Variants in BCLAF1 observed in about 807,000 individuals in gnomAD.
BCLAF1 encodes the protein bcl-2-associated transcription factor 1.
Under a neutral mutation model 99.5 loss-of-function variants are expected in BCLAF1, and 10 were observed. That is an observed-to-expected ratio of 0.10 (90% CI 0.06 to 0.17). The LOEUF (loss-of-function observed/expected upper bound fraction) is 0.17. BCLAF1 is among the 10% of genes least tolerant of loss of function. BCLAF1 has a pLI of 1.00. For synonymous variants in BCLAF1, 255 were observed against 370.9 expected (o/e 0.69, Z 3.59); for missense variants, 636 against 1,105.8 (o/e 0.58, Z 6.02).
intron 6 of BCLAF1, chr6:136,274,240 A>G: frequency 9.8e-7 from 1 of 1,018,440 alleles, no homozygotes. Context: ...GCTCTATATA[A>G]AGTAAGAGCT....
chr6:136,279,201 C>T (rs1471202453), intron 3 of BCLAF1, among the ~76,000 whole-genome samples: 3 of 151,986 alleles, frequency 2.0e-5, no homozygotes, highest in Non-Finnish European at 4.4e-5. Context: ...TAAATACATA[C>T]ATAATATAAA....
intron 11 of BCLAF1, among the ~76,000 whole-genome samples, chr6:136,265,516 T>C (rs1204274625): frequency 6.6e-6 from 1 of 152,180 alleles, no homozygotes; most frequent in East Asian, 1.9e-4. Flanking sequence ...CCATGATTTT[T>C]GTAAACTCTG....
intron 1 of BCLAF1, among the ~76,000 whole-genome samples, chr6:136,285,458 T>C (rs1366338306): frequency 6.6e-6 from 1 of 152,174 alleles, no homozygotes; most frequent in Non-Finnish European, 1.5e-5. Flanking sequence ...TAATCCAAAA[T>C]TTGACTGAAA....
At chr6:136,288,924 T>C (rs1256689276) in intron 1 of BCLAF1, among the ~76,000 whole-genome samples, 1 of 152,150 alleles carries the variant, frequency 6.6e-6, no homozygotes, top group Admixed American at 6.5e-5. Context: ...TTCAGCCGGA[T>C]GGGGCAGGGC....
chr6:136,285,000 G>C (rs1295284674), intron 1 of BCLAF1, among the ~76,000 whole-genome samples: 2 of 152,134 alleles, frequency 1.3e-5, no homozygotes, highest in African/African-American at 2.4e-5. Context: ...CACAAACTTA[G>C]CAAATTCAGG....
At chr6:136,266,955 G>A in intron 11 of BCLAF1, 74 bp downstream of exon 11, 1 of 1,513,186 alleles carries the variant, frequency 6.6e-7, no homozygotes, top group African/African-American at 1.4e-5. Context: ...GTGGTTATCT[G>A]TACTCAAATT....
intron 2 of BCLAF1, among the ~76,000 whole-genome samples, chr6:136,280,385 G>C (rs976314615): frequency 1.3e-5 from 2 of 152,038 alleles, no homozygotes; most frequent in African/African-American, 4.8e-5. Flanking sequence ...ACACAATCCT[G>C]TCTGGAGTGG....
At chr6:136,262,934 A>C (rs925205870) in intron 11 of BCLAF1, among the ~76,000 whole-genome samples, 4 of 152,088 alleles carry the variant, frequency 2.6e-5, no homozygotes, top group African/African-American at 9.7e-5. Context: ...TCTAGAATTC[A>C]CTTCATTTTA....
intron 3 of BCLAF1, 177 bp downstream of exon 3, chr6:136,279,586 A>C (rs944556855): frequency 1.7e-6 from 1 of 595,398 alleles, no homozygotes; most frequent in African/African-American, 1.9e-5. Flanking sequence ...CATTTACTAG[A>C]GCTTGTTACC....
rs1458104965 is a variant in BCLAF1 at position 136,288,180 on chromosome 6, T to C, written c.-115+1533A>G. Among the ~76,000 whole-genome samples the C allele has an allele frequency of 3.3e-5, 5 of 152,336 alleles. No homozygotes were observed. The East Asian group carries it at 7.7e-4, about 24-fold the overall frequency. On this transcript the variant is annotated intron_variant, in intron 1 of 12. Coordinates refer to ENST00000531224, the MANE Select transcript of BCLAF1 (RefSeq NM_014739.3). ...TTAATTATCTGAATTAAACAAGATATTTCAGTATTCACCACAATGTACTGG... is the reference window on the plus strand; with the variant it reads ...TTAATTATCTGAATTAAACAAGATACTTCAGTATTCACCACAATGTACTGG...
intron 1 of BCLAF1, among the ~76,000 whole-genome samples, 170 bp downstream of exon 1, chr6:136,289,543 G>A (rs1329106165): frequency 6.6e-6 from 1 of 152,226 alleles, no homozygotes; most frequent in Non-Finnish European, 1.5e-5. Flanking sequence ...GGCCCGTAGT[G>A]CCTCGAAAAC....
rs796701760 is a variant in BCLAF1, at chr6:136,280,673, T to C, written c.-10-797A>G. The stretch of plus-strand genomic sequence containing the variant: ...ACTACATGGTATCCAATGCTATAAT[T>C]AGACCTCATTGGGTACAGAAATCAG... On this transcript the variant is annotated intron_variant, in intron 2 of 12. Coordinates refer to ENST00000531224, the MANE Select transcript of BCLAF1 (RefSeq NM_014739.3). Among the ~76,000 whole-genome samples the C allele has an allele frequency of 2.6e-5, 4 of 152,176 alleles. No homozygotes were observed. The South Asian group carries it at 8.3e-4, about 31-fold the overall frequency.
At chr6:136,265,009 G>A (rs185362158) in intron 11 of BCLAF1, among the ~76,000 whole-genome samples, 5 of 152,272 alleles carry the variant, frequency 3.3e-5, no homozygotes, top group African/African-American at 4.8e-5. Flanking sequence ...GCAGACTCAA[G>A]AGAATGCCAT....
chr6:136,278,273 T>C lies in BCLAF1; in HGVS notation c.608A>G (p.Asn203Ser), dbSNP rs1466174795. Residue 203 changes from asparagine (N) to serine (S), a missense_variant, in exon 4 of 13, where the codon AAT becomes AGT. Asn to Ser is a conservative substitution (Grantham distance 46). Coordinates refer to ENST00000531224, the MANE Select transcript of BCLAF1 (RefSeq NM_014739.3). ...HDPSESIDEF[N>S]KSSATSGDIW... ...ATCACCGGATGTGGCTGATGACTTA[T>C]TAAATTCATCGATAGACTCAGATGG... 1 of 1,614,178 alleles carries C rather than the reference T, an allele frequency of 6.2e-7. No individual in the cohort carries two copies. The highest frequency in any genetic ancestry group is 8.5e-7 in the Non-Finnish European group (1 of 1,180,010).
chr6:136,281,454 T>C (rs1041941658), intron 2 of BCLAF1, among the ~76,000 whole-genome samples: 2 of 152,196 alleles, frequency 1.3e-5, no homozygotes, highest in Non-Finnish European at 2.9e-5. Flanking sequence ...GACATTCTCT[T>C]GCATCTGATT....
At chr6:136,268,138 A>T in intron 10 of BCLAF1, 24 bp downstream of exon 10, 4 of 1,507,778 alleles carry the variant, frequency 2.7e-6, no homozygotes, top group Non-Finnish European at 3.5e-6. Context: ...CTACCAAACA[A>T]TCAAAGATAA....
intron 7 of BCLAF1, among the ~76,000 whole-genome samples, 186 bp from the exon 8 acceptor site, chr6:136,272,265 A>T (rs1427155417): frequency 1.3e-5 from 2 of 151,956 alleles, no homozygotes; most frequent in Non-Finnish European, 2.9e-5. Context: ...ATGAATTAAA[A>T]TGCTCCAACC....
chr6:136,266,789 A>G (rs1439558907), intron 11 of BCLAF1, among the ~76,000 whole-genome samples: 1 of 152,082 alleles, frequency 6.6e-6, no homozygotes, highest in African/African-American at 2.4e-5. Context: ...GTGGGTAACA[A>G]ATCAGGTATA....
intron 4 of BCLAF1, 77 bp from the exon 5 acceptor site, chr6:136,276,585 C>T: frequency 1.4e-6 from 2 of 1,468,018 alleles, no homozygotes; most frequent in South Asian, 1.5e-5. Context: ...AAATGTGTTG[C>T]CCAATCCCTC....
Sources: gnomAD v4.1 joint callset for allele counts (sites outside exome capture counted in the v4.1 genomes callset) on GRCh38, gnomAD v4.1.1 for gene constraint, MANE v1.5 for transcripts, NCBI Gene and HGNC (gene_info 2026-07-23, HGNC 2026-07-21) for gene names.